The following GPM6A variants were observed in gnomAD, a reference collection of about 807,000 sequenced individuals.
GPM6A encodes the protein glycoprotein M6A.
Under a neutral mutation model 32.1 loss-of-function variants are expected in GPM6A, and 7 were observed. The observed-to-expected ratio is 0.22, with a 90% CI of 0.12 to 0.41. GPM6A has a LOEUF of 0.41. GPM6A is among the 10% of genes least tolerant of loss of function. The pLI is 1.00. For synonymous variants in GPM6A, 130 were observed against 123.4 expected (o/e 1.05, Z -0.35); for missense variants, 235 against 347.2 (o/e 0.68, Z 2.57).
intron 1 of GPM6A, among the ~76,000 whole-genome samples, chr4:175,735,840 G>A (rs1731638232): frequency 6.6e-6 from 1 of 152,064 alleles, no homozygotes; most frequent in Non-Finnish European, 1.5e-5. Flanking sequence ...GATTACAGGT[G>A]TGAACCACTG....
chr4:175,831,062 T>C (rs1735596148), intron 1 of GPM6A, among the ~76,000 whole-genome samples: 1 of 152,192 alleles, frequency 6.6e-6, no homozygotes, highest in African/African-American at 2.4e-5. Flanking sequence ...GACTAATGTC[T>C]ATTATTAGCA....
intron 3 of GPM6A, among the ~76,000 whole-genome samples, chr4:175,655,338 A>G (rs1023042981): frequency 1.3e-5 from 2 of 152,114 alleles, no homozygotes; most frequent in African/African-American, 4.8e-5. Context: ...ATATAATTTG[A>G]TCTTTCCATT....
intron 1 of GPM6A, among the ~76,000 whole-genome samples, chr4:175,824,493 A>G (rs913568467): frequency 2.0e-5 from 3 of 152,176 alleles, no homozygotes; most frequent in African/African-American, 4.8e-5. Context: ...CTGAATTTCA[A>G]TATCATTTGT....
chr4:175,826,285 TTC>T (rs767804970), intron 1 of GPM6A, among the ~76,000 whole-genome samples: 48 of 147,854 alleles, frequency 3.2e-4, no homozygotes, highest in Non-Finnish European at 4.8e-4. Flanking sequence ...TAATCTCTCT[TTC>T]TCTCTCTCTC....
At chr4:175,694,558 A>G (rs1744471801) in intron 2 of GPM6A, among the ~76,000 whole-genome samples, 1 of 152,194 alleles carries the variant, frequency 6.6e-6, no homozygotes, top group South Asian at 2.1e-4. Flanking sequence ...GAAATTTCTA[A>G]GCATCAAAGC....
chr4:176,002,293 C>G, intron 1 of GPM6A: 1 of 1,600,228 alleles, frequency 6.2e-7, no homozygotes, highest in Non-Finnish European at 8.5e-7. Flanking sequence ...GTGTACGCGC[C>G]CGCCCGCGCA....
intron 1 of GPM6A, among the ~76,000 whole-genome samples, chr4:175,740,916 T>A (rs1240722120): frequency 6.6e-6 from 1 of 152,036 alleles, no homozygotes; most frequent in Non-Finnish European, 1.5e-5. Flanking sequence ...GATCAGTGCA[T>A]AAAGATCCGG....
intron 2 of GPM6A, among the ~76,000 whole-genome samples, chr4:175,681,570 G>A (rs572021470): frequency 1.1e-4 from 17 of 152,046 alleles, no homozygotes; most frequent in Middle Eastern, 3.4e-3. Flanking sequence ...CTGGAGGTGG[G>A]GCCCAGTGGT....
rs1055787644 is a variant in GPM6A, at chr4:175,787,629, T to C, written c.37+24562A>G. 18 of 1,300,232 alleles carry C rather than the reference T, an allele frequency of 1.4e-5. No homozygotes were observed. The African/African-American group carries it at 2.3e-4, about 16-fold the overall frequency. 80.5% of individuals were successfully genotyped at this position (1,300,232 alleles called of 1,614,324 possible). ...CCCAAATCACAACCCATGTATCTAATTGCTTTACTGACATAACTCTTCCTA... is the reference window on the plus strand; with the variant it reads ...CCCAAATCACAACCCATGTATCTAACTGCTTTACTGACATAACTCTTCCTA... On this transcript the variant is annotated intron_variant, in intron 1 of 6. Transcript: ENST00000393658.
intron 1 of GPM6A, chr4:175,787,255 T>G (rs1733838938): frequency 2.5e-6 from 2 of 786,928 alleles, no homozygotes; most frequent in South Asian, 1.5e-5. Flanking sequence ...TAATGAGGCA[T>G]GCACTACAGA....
intron 1 of GPM6A, among the ~76,000 whole-genome samples, chr4:175,925,912 C>T (rs1180342827): frequency 2.7e-5 from 4 of 146,034 alleles, no homozygotes; most frequent in African/African-American, 7.7e-5. Flanking sequence ...AGTGCAATGG[C>T]GTGAGGTCAG....
chr4:175,969,028 A>G (rs529633750), intron 1 of GPM6A, among the ~76,000 whole-genome samples: 1 of 152,352 alleles, frequency 6.6e-6, no homozygotes, highest in African/African-American at 2.4e-5. Context: ...ATCCTTCACT[A>G]GGCGAATAGA....
intron 1 of GPM6A, among the ~76,000 whole-genome samples, chr4:175,789,617 A>G (rs887483670): frequency 6.6e-6 from 1 of 152,210 alleles, no homozygotes; most frequent in Non-Finnish European, 1.5e-5. Flanking sequence ...GGACATGATA[A>G]CTTGCTTTAA....
chr4:175,855,423 T>A (rs1736387047), intron 1 of GPM6A, among the ~76,000 whole-genome samples: 1 of 152,200 alleles, frequency 6.6e-6, no homozygotes, highest in Non-Finnish European at 1.5e-5. Context: ...GAATGCAGAC[T>A]GTTACAAGAG....
intron 1 of GPM6A, among the ~76,000 whole-genome samples, chr4:175,803,359 GACAA>G (rs1296741382): frequency 6.6e-6 from 1 of 152,118 alleles, no homozygotes; most frequent in African/African-American, 2.4e-5. Context: ...TATAGTAAGT[GACAA>G]ACATTTAAGA....
intron 1 of GPM6A, among the ~76,000 whole-genome samples, chr4:175,966,787 A>C (rs984773596): frequency 2.6e-5 from 4 of 152,180 alleles, no homozygotes; most frequent in Non-Finnish European, 1.5e-5. Context: ...TGATTATGAT[A>C]TCTTATATCT....
chr4:175,660,287 G>A (rs565906003), intron 3 of GPM6A, among the ~76,000 whole-genome samples: 54 of 151,966 alleles, frequency 3.6e-4, no homozygotes, highest in Non-Finnish European at 6.9e-4. Flanking sequence ...AGGAGGCTGA[G>A]GCAGGAGAAT....
chr4:175,886,722 A>AACAC (rs34241399), intron 1 of GPM6A, among the ~76,000 whole-genome samples: 458 of 145,820 alleles, frequency 3.1e-3, no homozygotes, highest in Non-Finnish European at 3.9e-3. Context: ...AAACTCAGTA[A>AACAC]ACACACACAC....
upstream of GPM6A, chr4:175,812,269 A>G: frequency 6.7e-7 from 1 of 1,482,878 alleles, no homozygotes; most frequent in South Asian, 1.4e-5. Context: ...GGAATTAATC[A>G]AAAGCTCAAT....
Sources: allele counts gnomAD v4.1 joint callset (sites outside exome capture counted in the v4.1 genomes callset), GRCh38; gene constraint gnomAD v4.1.1; transcripts MANE v1.5; gene names NCBI Gene and HGNC (gene_info 2026-07-23, HGNC 2026-07-21).